AKAP6: variants seen among roughly 807,000 people sequenced by gnomAD.
AKAP6 encodes the protein A-kinase anchoring protein 6.
AKAP6 carries 58 observed loss-of-function variants against 188.5 expected under a neutral mutation model. The observed-to-expected ratio is 0.31, with a 90% CI of 0.25 to 0.38. The LOEUF is 0.38. AKAP6 is among the 10% of genes least tolerant of loss of function. The pLI, the probability that AKAP6 is intolerant of heterozygous loss-of-function variation, is 1.00. For missense variants in AKAP6, 2,710 were observed against 2,740.0 expected, an observed-to-expected ratio of 0.99 and a Z score of 0.24; for synonymous variants, 989 against 998.6, an observed-to-expected ratio of 0.99 and a Z score of 0.18.
chr14:32,526,163 C>T (rs1458583892), intron 2 of AKAP6, among the ~76,000 whole-genome samples: 1 of 152,124 alleles, frequency 6.6e-6, no homozygotes, highest in Non-Finnish European at 1.5e-5. Context: ...CTCCTGGGCT[C>T]AAGTGATCCT....
chr14:32,651,621 C>A (rs1288758715), intron 7 of AKAP6, among the ~76,000 whole-genome samples: 1 of 152,094 alleles, frequency 6.6e-6, no homozygotes, highest in East Asian at 1.9e-4. Context: ...ACTCTGTGTC[C>A]TCACATGGCA....
intron 2 of AKAP6, among the ~76,000 whole-genome samples, chr14:32,493,491 G>A (rs1470918524): frequency 2.0e-5 from 3 of 152,108 alleles, no homozygotes; most frequent in Non-Finnish European, 2.9e-5. Context: ...GATTACAGGT[G>A]TGAGCTACCG....
intron 11 of AKAP6, among the ~76,000 whole-genome samples, chr14:32,737,627 G>A (rs2031490587): frequency 6.6e-6 from 1 of 152,094 alleles, no homozygotes; most frequent in Admixed American, 6.6e-5. Flanking sequence ...CCTCTCGTGG[G>A]TTCCTAAAGG....
chr14:32,760,423 T>C (rs1050118698), intron 11 of AKAP6, among the ~76,000 whole-genome samples: 9 of 152,196 alleles, frequency 5.9e-5, no homozygotes, highest in African/African-American at 2.2e-4. Context: ...CACATAGAAG[T>C]TACATGTTTT....
chr14:32,392,509 A>G (rs1193324482), intron 1 of AKAP6, among the ~76,000 whole-genome samples: 1 of 152,166 alleles, frequency 6.6e-6, no homozygotes, highest in Admixed American at 6.6e-5. Flanking sequence ...GTCCACTGAG[A>G]GTCCTAGAAA....
chr14:32,745,488 TC>T (rs2031863332), intron 11 of AKAP6, among the ~76,000 whole-genome samples: 1 of 118,246 alleles, frequency 8.5e-6, no homozygotes, highest in Non-Finnish European at 2.0e-5. Flanking sequence ...TCTCTCTCTC[TC>T]TCTCTCTGTC....
chr14:32,725,851 A>G (rs561246162), intron 9 of AKAP6, among the ~76,000 whole-genome samples: 2 of 152,322 alleles, frequency 1.3e-5, no homozygotes, highest in East Asian at 3.9e-4. Context: ...TTAGCAAATT[A>G]TGAAACTAAA....
In AKAP6 at chr14:32,786,296, A is replaced by ATGTTTT; in HGVS notation, c.3588+12404_3588+12405insGTTTTT. ...AGCCCTCTGAAAGACCTAAACCTTT[A>ATGTTTT]TCTTTTTTTTTTTTTTTTTTTTTTT... On this transcript the variant is annotated intron_variant, in intron 12 of 13. Coordinates refer to ENST00000280979, the MANE Select transcript of AKAP6 (RefSeq NM_004274.5). 2.7e-3 allele frequency among the ~76,000 whole-genome samples: 251 copies of ATGTTTT among 93,656 alleles called. 33 individuals are homozygous for ATGTTTT. Among genetic ancestry groups the ATGTTTT allele is most frequent in the Middle Eastern group, 7.1e-3 (1 of 140 alleles). 61.4% of individuals were successfully genotyped at this position (93,656 alleles called of 152,430 possible).
intron 8 of AKAP6, among the ~76,000 whole-genome samples, chr14:32,682,995 C>CTTTTTTTTTTTTTTTTTTTGTT (rs71115090): frequency 7.0e-6 from 1 of 142,258 alleles, no homozygotes; most frequent in African/African-American, 2.6e-5. Flanking sequence ...TTTTTTCTTC[C>CTTTTTTTTTTTTTTTTTTTGTT]TTTTTTTTTT....
chr14:32,399,050 C>T (rs1375251188), intron 1 of AKAP6, among the ~76,000 whole-genome samples: 1 of 151,860 alleles, frequency 6.6e-6, no homozygotes, highest in African/African-American at 2.4e-5. Context: ...GACAGGGTTT[C>T]ACTGTGTTGC....
At chr14:32,726,951 A>T (rs901530151) in intron 9 of AKAP6, among the ~76,000 whole-genome samples, 2 of 152,226 alleles carry the variant, frequency 1.3e-5, no homozygotes, top group African/African-American at 4.8e-5. Context: ...TGCTGGGAAT[A>T]TGACTGTTTT....
At chr14:32,719,886 C>T (rs1201714214) in intron 9 of AKAP6, among the ~76,000 whole-genome samples, 1 of 151,914 alleles carries the variant, frequency 6.6e-6, no homozygotes, top group Non-Finnish European at 1.5e-5. Flanking sequence ...GTGCTATTAA[C>T]ATTACTTGCA....
Position 32,546,751 on chromosome 14 carries a change from T to G in AKAP6, c.2098T>G (p.Ser700Ala). 1 of 1,614,112 alleles carries G rather than the reference T, an allele frequency of 6.2e-7. No homozygotes were observed. The highest frequency in any genetic ancestry group is 2.2e-5 in the East Asian group (1 of 44,870). The change falls in exon 4 of 14, where the codon TCA becomes GCA. Residue 700 changes from serine (S) to alanine (A), a missense_variant. Coordinates refer to ENST00000280979, the MANE Select transcript of AKAP6 (RefSeq NM_004274.5). ...AAGGCTAGGCAGGGTGTCTCCAAGC[T>G]CATCTAGTGACATAGCCTCTTCACT... ...HTRLGRVSPS[S>A]SSDIASSLGE...
chr14:32,429,303 T>G (rs554005009), intron 1 of AKAP6, among the ~76,000 whole-genome samples: 10 of 152,352 alleles, frequency 6.6e-5, no homozygotes, highest in Admixed American at 6.5e-4. Flanking sequence ...AGACTCATGC[T>G]CAATTTCCTG....
At chr14:32,417,269 G>T (rs576521789) in intron 1 of AKAP6, among the ~76,000 whole-genome samples, 3 of 152,264 alleles carry the variant, frequency 2.0e-5, no homozygotes, top group Non-Finnish European at 4.4e-5. Context: ...CAGAGATCCT[G>T]TTATAAGCCT....
rs543594899 is a variant in AKAP6 at position 32,424,579 on chromosome 14, G to T, written c.-34-8881G>T. ...AAAATTTGTGTCATTGGGGTTTGTT[G>T]TACAGATTATTTCATCACCCATGTA... On this transcript the variant is annotated intron_variant, in intron 1 of 13. Coordinates refer to ENST00000280979, the MANE Select transcript of AKAP6 (RefSeq NM_004274.5). Among the ~76,000 whole-genome samples, 11 of 152,128 alleles carry T rather than the reference G, an allele frequency of 7.2e-5. No homozygotes were observed. The East Asian group carries it at 1.9e-3, about 27-fold the overall frequency.
intron 7 of AKAP6, among the ~76,000 whole-genome samples, chr14:32,609,923 G>T (rs904673047): frequency 3.0e-5 from 4 of 131,878 alleles, no homozygotes; most frequent in Admixed American, 7.6e-5. Context: ...ACACACACAC[G>T]TTCATTCCTT....
intron 1 of AKAP6, among the ~76,000 whole-genome samples, chr14:32,343,839 T>C (rs960921868): frequency 1.3e-5 from 2 of 149,998 alleles, no homozygotes; most frequent in African/African-American, 2.5e-5. Flanking sequence ...GCTTGGCCCA[T>C]GCTTCACACC....
At chr14:32,561,683 C>T (rs535998590) in intron 4 of AKAP6, among the ~76,000 whole-genome samples, 1 of 152,262 alleles carries the variant, frequency 6.6e-6, no homozygotes, top group South Asian at 2.1e-4. Context: ...TGACAAGAGC[C>T]AGACATCCTT....
Sources: allele counts gnomAD v4.1 joint callset (sites outside exome capture counted in the v4.1 genomes callset), GRCh38; gene constraint gnomAD v4.1.1; transcripts MANE v1.5; gene names NCBI Gene and HGNC (gene_info 2026-07-23, HGNC 2026-07-21).